SNRPN: variants seen among roughly 807,000 people sequenced by gnomAD.
SNRPN encodes the protein small nuclear ribonucleoprotein-associated protein N.
Under a neutral mutation model 25.2 loss-of-function variants are expected in SNRPN, and 7 were observed. The ratio of observed to expected loss-of-function variants is 0.28; its 90% CI spans 0.16 to 0.52. The LOEUF is 0.52. SNRPN is among the 20% of genes least tolerant of loss of function. SNRPN has a pLI of 0.96. For synonymous variants in SNRPN, 124 were observed against 110.6 expected (o/e 1.12, Z -0.76); for missense variants, 196 against 322.5 (o/e 0.61, Z 3.00).
chr15:24,898,214 T>A (rs1010775069), intron 2 of SNRPN, among the ~76,000 whole-genome samples: 2 of 152,032 alleles, frequency 1.3e-5, no homozygotes, highest in Non-Finnish European at 2.9e-5. Flanking sequence ...TGAGCAAAAA[T>A]GCAAGCTTTT....
At chr15:24,825,941 T>C (rs930130864) in intron 1 of SNRPN, among the ~76,000 whole-genome samples, 2 of 152,080 alleles carry the variant, frequency 1.3e-5, no homozygotes, top group African/African-American at 4.8e-5. Flanking sequence ...CAACAAATCA[T>C]AGGAAATTCA....
chr15:24,974,268 C>T (rs1222198820), intron 3 of SNRPN, 43 bp from the exon 4 acceptor site: 1 of 607,286 alleles, frequency 1.6e-6, no homozygotes, highest in African/African-American at 1.9e-5. Flanking sequence ...TGTTTTAAAA[C>T]ATGGTAGATT....
chr15:24,961,549 T>TTTTG (rs374876404), intron 1 of SNRPN, among the ~76,000 whole-genome samples: 2 of 152,118 alleles, frequency 1.3e-5, no homozygotes, highest in Non-Finnish European at 2.9e-5. Context: ...ATGGCGGGTT[T>TTTTG]TTTGTTTGTT....
rs28635951 is a variant in SNRPN, at chr15:24,835,207, A to T, written c.-579+5302A>T. 5.3e-3 allele frequency among the ~76,000 whole-genome samples: 778 copies of T among 145,688 alleles called. 37 individuals carry two copies. Among genetic ancestry groups the T allele is most frequent in the African/African-American group, 0.02 (755 of 38,058 alleles). Reference sequence around the variant, plus strand: ...ATTTGTATTCAAAGCATCAAATAAAATTTTGTTTTAGTTTTCTAAAAAAAT... The same window carrying T: ...ATTTGTATTCAAAGCATCAAATAAATTTTTGTTTTAGTTTTCTAAAAAAAT... On this transcript the variant is annotated intron_variant, in intron 2 of 12. Transcript: ENST00000400100.
chr15:24,848,057 C>T (rs918318228), intron 2 of SNRPN, among the ~76,000 whole-genome samples: 1 of 151,932 alleles, frequency 6.6e-6, no homozygotes, highest in African/African-American at 2.4e-5. Context: ...CTCATGTCTC[C>T]GTGGCAGGGC....
intron 1 of SNRPN, among the ~76,000 whole-genome samples, chr15:24,955,307 G>A (rs1293045388): frequency 2.0e-5 from 3 of 151,966 alleles, no homozygotes; most frequent in Admixed American, 1.3e-4. Flanking sequence ...GTGGTGTCGC[G>A]ACAGGTCCTA....
chr15:24,843,699 G>A (rs1180090109), intron 2 of SNRPN, among the ~76,000 whole-genome samples: 4 of 151,890 alleles, frequency 2.6e-5, no homozygotes, highest in African/African-American at 9.7e-5. Flanking sequence ...AGACAGGAGA[G>A]TCACTTGAAC....
chr15:24,972,538 ATTC>A (rs1322600196), intron 3 of SNRPN, among the ~76,000 whole-genome samples: 1 of 138,562 alleles, frequency 7.2e-6, no homozygotes, highest in African/African-American at 2.7e-5. Context: ...GCATTAGAGT[ATTC>A]TTTTTTTTTT....
chr15:24,861,201 T>C (rs755476779), intron 1 of SNRPN, among the ~76,000 whole-genome samples: 4 of 152,208 alleles, frequency 2.6e-5, no homozygotes, highest in Non-Finnish European at 5.9e-5. Context: ...ATGCATTGTT[T>C]GGTGATTTCA....
chr15:24,942,382 T>C (rs1384377880), intron 3 of SNRPN: 1 of 152,138 alleles, frequency 6.6e-6, no homozygotes, highest in East Asian at 1.9e-4. Flanking sequence ...TATTACCAAA[T>C]AGCTGGTACT....
intron 1 of SNRPN, among the ~76,000 whole-genome samples, chr15:24,955,622 A>C (rs1009244577): frequency 5.7e-5 from 7 of 123,826 alleles, no homozygotes; most frequent in African/African-American, 2.2e-4. Context: ...AATTCGTCGC[A>C]GTGACCGAGG....
At chr15:24,894,634 C>G (rs2057951694) in intron 2 of SNRPN, among the ~76,000 whole-genome samples, 1 of 152,302 alleles carries the variant, frequency 6.6e-6, no homozygotes, top group South Asian at 2.1e-4. Context: ...CAGTCACAAT[C>G]TAGATAATGA....
At chr15:24,968,367 A>T in intron 3 of SNRPN, 1 of 223,024 alleles carries the variant, frequency 4.5e-6, no homozygotes, top group Non-Finnish European at 9.0e-6. Context: ...GCTCTTGAAT[A>T]CCCTGTTACT....
At position 24,871,865 on chromosome 15, in the gene SNRPN, T is replaced by C. The variant is rs1421503011; in HGVS notation, c.-578-14651T>C. ...GACTACAGGCGCCCACCACCACGCC[T>C]GGCTAATTTTTTTGTACTTTTAGCA... On this transcript the variant is annotated intron_variant, in intron 1 of 11. Transcript: ENST00000400097. Among the ~76,000 whole-genome samples, 10 of 118,634 alleles carry C rather than the reference T, an allele frequency of 8.4e-5. 2 individuals are homozygous for C. The highest frequency in any genetic ancestry group is 2.9e-4 in the African/African-American group (10 of 34,800). The allele number at this position is 118,634 out of a possible 152,430, so 77.8% of individuals were successfully genotyped here.
At chr15:24,859,249 C>T (rs2053754810) in intron 1 of SNRPN, among the ~76,000 whole-genome samples, 1 of 152,164 alleles carries the variant, frequency 6.6e-6, no homozygotes, top group Non-Finnish European at 1.5e-5. Context: ...TGCTAAGAAT[C>T]CTTTGTTTGA....
In SNRPN at chr15:24,959,028, A is replaced by G. The variant is rs566971452; in HGVS notation, c.-390-3086A>G. 4.3e-4 allele frequency among the ~76,000 whole-genome samples: 66 copies of G among 152,256 alleles called. 1 individual carries two copies. In the South Asian group the frequency reaches 0.013, roughly 31 times the overall value. ...CCGCTATACCTGGCCAACTTTGTTT[A>G]TTTTTATTCTTGAGATCTTAGTTAA... On this transcript the variant is annotated intron_variant, in intron 1 of 9. Transcript: ENST00000390687.
At chr15:24,925,895 C>T (rs1384047221) in intron 3 of SNRPN, among the ~76,000 whole-genome samples, 1 of 152,108 alleles carries the variant, frequency 6.6e-6, no homozygotes, top group Non-Finnish European at 1.5e-5. Flanking sequence ...CAACCACACC[C>T]GGCTAATTTT....
intron 3 of SNRPN, among the ~76,000 whole-genome samples, chr15:24,941,767 T>TTTTA (rs571831024): frequency 0.039 from 5,848 of 151,762 alleles, 156 homozygotes; most frequent in Non-Finnish European, 0.054. Flanking sequence ...AGTTTTTTGT[T>TTTTA]TTTATTTATT....
rs749134956 is a variant in SNRPN at position 24,955,048 on chromosome 15, G to A, written c.-405G>A. The stretch of plus-strand genomic sequence containing the variant: ...CTGTCTGAGGAGCGGTCAGTGACGC[G>A]ATGGAGCGGGCAAGGTCAGCTGTGC... On this transcript the variant is annotated 5_prime_UTR_variant, in exon 1 of 10. Transcript: ENST00000390687. The A allele has an allele frequency of 5.6e-6, 9 of 1,613,372 alleles. No homozygotes were observed. The highest frequency in any genetic ancestry group is 7.6e-6 in the Non-Finnish European group (9 of 1,180,016).
Sources: allele counts gnomAD v4.1 joint callset (sites outside exome capture counted in the v4.1 genomes callset), GRCh38; gene constraint gnomAD v4.1.1; transcripts MANE v1.5; gene names NCBI Gene and HGNC (gene_info 2026-07-23, HGNC 2026-07-21).